Variants in NALF1 observed in about 807,000 individuals in gnomAD.
The protein encoded by NALF1 is family with sequence similarity 155 member A.
NALF1 carries 3 observed loss-of-function variants against 48.4 expected under a neutral mutation model. The observed-to-expected ratio is 0.06, with a 90% CI of 0.03 to 0.16. The LOEUF (loss-of-function observed/expected upper bound fraction) is 0.16. Ranked by LOEUF, NALF1 falls within the 10% of genes least tolerant of loss-of-function variation. The pLI is 1.00. For synonymous variants in NALF1, 262 were observed against 245.7 expected (o/e 1.07, Z -0.62); for missense variants, 526 against 571.5 (o/e 0.92, Z 0.81).
chr13:107,381,567 C>A (rs1000445094), intron 1 of NALF1, among the ~76,000 whole-genome samples: 4 of 152,062 alleles, frequency 2.6e-5, no homozygotes, highest in African/African-American at 7.2e-5. Flanking sequence ...GCCCCACCAC[C>A]CCACCCACTC....
At chr13:107,252,911 AT>A (rs1880732412) in intron 1 of NALF1, among the ~76,000 whole-genome samples, 1 of 152,228 alleles carries the variant, frequency 6.6e-6, no homozygotes, top group Non-Finnish European at 1.5e-5. Flanking sequence ...AACATTATAC[AT>A]ATTTTAATAT....
intron 1 of NALF1, among the ~76,000 whole-genome samples, chr13:107,353,448 C>T (rs1340182619): frequency 6.6e-6 from 1 of 152,160 alleles, no homozygotes; most frequent in Non-Finnish European, 1.5e-5. Flanking sequence ...TCATGAGAAG[C>T]CACATTGCCA....
intron 1 of NALF1, among the ~76,000 whole-genome samples, chr13:107,477,574 G>C (rs1160682076): frequency 6.6e-6 from 1 of 151,818 alleles, no homozygotes; most frequent in Non-Finnish European, 1.5e-5. Flanking sequence ...TTCCTTACTG[G>C]AAGCAATAAA....
At chr13:107,561,237 T>A (rs1388834739) in intron 1 of NALF1, among the ~76,000 whole-genome samples, 1 of 152,194 alleles carries the variant, frequency 6.6e-6, no homozygotes, top group East Asian at 1.9e-4. Context: ...TTTCCCCTGT[T>A]CTGATGGAGA....
chr13:107,330,133 C>A (rs1357276403), intron 1 of NALF1, among the ~76,000 whole-genome samples: 8 of 152,258 alleles, frequency 5.3e-5, no homozygotes, highest in East Asian at 1.9e-4. Flanking sequence ...AATAGCTACA[C>A]GAGGCACTTC....
intron 1 of NALF1, among the ~76,000 whole-genome samples, chr13:107,685,883 G>A (rs533279493): frequency 5.9e-5 from 9 of 152,318 alleles, no homozygotes; most frequent in Non-Finnish European, 5.9e-5. Flanking sequence ...CTGAGTCCTC[G>A]GTGTTCCGTG....
intron 1 of NALF1, among the ~76,000 whole-genome samples, chr13:107,279,710 C>T (rs546408493): frequency 5.9e-5 from 9 of 152,322 alleles, no homozygotes; most frequent in African/African-American, 2.2e-4. Context: ...TAGTCTTAAA[C>T]ACATGCTGCC....
intron 1 of NALF1, among the ~76,000 whole-genome samples, chr13:107,764,568 T>A (rs1227504902): frequency 6.6e-6 from 1 of 152,132 alleles, no homozygotes; most frequent in Non-Finnish European, 1.5e-5. Flanking sequence ...GTAAGACAAA[T>A]CAATGAAGGG....
intron 1 of NALF1, among the ~76,000 whole-genome samples, chr13:107,468,354 T>G (rs1228155215): frequency 6.6e-6 from 1 of 152,142 alleles, no homozygotes; most frequent in Non-Finnish European, 1.5e-5. Flanking sequence ...TACATGACCG[T>G]TTTTCCACTC....
intron 1 of NALF1, among the ~76,000 whole-genome samples, chr13:107,263,223 T>C: frequency 7.0e-6 from 1 of 142,188 alleles, no homozygotes; most frequent in East Asian, 2.1e-4. Flanking sequence ...ATGTGTAGGC[T>C]CCCAACACCC....
intron 1 of NALF1, among the ~76,000 whole-genome samples, chr13:107,549,364 T>G (rs1426954320): frequency 2.6e-5 from 4 of 152,156 alleles, no homozygotes; most frequent in Non-Finnish European, 5.9e-5. Context: ...AACCTGAAAT[T>G]TTTAAGAGGT....
chr13:107,560,676 C>T (rs1219612429), intron 1 of NALF1, among the ~76,000 whole-genome samples: 1 of 152,148 alleles, frequency 6.6e-6, no homozygotes, highest in Non-Finnish European at 1.5e-5. Context: ...CACACATGCA[C>T]ACTCACACAC....
chr13:107,476,483 A>T (rs1208902823), intron 1 of NALF1, among the ~76,000 whole-genome samples: 1 of 152,124 alleles, frequency 6.6e-6, no homozygotes, highest in Non-Finnish European at 1.5e-5. Flanking sequence ...CTTTAAAAAC[A>T]GTTGTATTAT....
intron 1 of NALF1, among the ~76,000 whole-genome samples, chr13:107,819,997 GA>G (rs1594291824): frequency 1.3e-5 from 2 of 152,148 alleles, no homozygotes; most frequent in East Asian, 3.8e-4. Context: ...GCCAAATCCT[GA>G]AGACAAAGAT....
intron 1 of NALF1, among the ~76,000 whole-genome samples, chr13:107,713,612 T>C (rs1221661455): frequency 6.6e-6 from 1 of 152,222 alleles, no homozygotes; most frequent in African/African-American, 2.4e-5. Context: ...AAACTGGTGT[T>C]CTTAACATTG....
At chr13:107,292,713 T>C (rs887270440) in intron 1 of NALF1, among the ~76,000 whole-genome samples, 1 of 152,218 alleles carries the variant, frequency 6.6e-6, no homozygotes, top group East Asian at 1.9e-4. Context: ...TGAGGCTGTT[T>C]ACAGTTAAAA....
chr13:107,599,770 A>G (rs1364972498), intron 1 of NALF1, among the ~76,000 whole-genome samples: 1 of 152,196 alleles, frequency 6.6e-6, no homozygotes, highest in African/African-American at 2.4e-5. Context: ...AATTATCATA[A>G]ATACAATAAA....
At chr13:107,359,590 C>A (rs1365335294) in intron 1 of NALF1, among the ~76,000 whole-genome samples, 1 of 151,686 alleles carries the variant, frequency 6.6e-6, no homozygotes, top group Non-Finnish European at 1.5e-5. Context: ...TCCCTTTCCT[C>A]CTTCCTTCAT....
intron 1 of NALF1, among the ~76,000 whole-genome samples, chr13:107,372,690 T>C (rs147608610): frequency 2.0e-5 from 3 of 152,160 alleles, no homozygotes; most frequent in Non-Finnish European, 4.4e-5. Context: ...ATAGAAAACA[T>C]TTGGTGATAG....
Sources: gnomAD v4.1 joint callset for allele counts (sites outside exome capture counted in the v4.1 genomes callset) on GRCh38, gnomAD v4.1.1 for gene constraint, MANE v1.5 for transcripts, NCBI Gene and HGNC (gene_info 2026-07-23, HGNC 2026-07-21) for gene names.